The following DHRS12 variants were observed in gnomAD, a reference collection of about 807,000 sequenced individuals.
DHRS12 encodes the protein dehydrogenase/reductase SDR family member 12.
Under a neutral mutation model 32.1 loss-of-function variants are expected in DHRS12, and 29 were observed. The ratio of observed to expected loss-of-function variants is 0.90; its 90% CI spans 0.67 to 1.23. The LOEUF (loss-of-function observed/expected upper bound fraction) is 1.23, where lower values mean the gene tolerates loss of function less well. Ranked by LOEUF, DHRS12 falls within the 50% of genes most tolerant of loss-of-function variation. The probability of loss-of-function intolerance (pLI) is 0.00; values close to 1 mark genes in which losing one functional copy is unlikely to be tolerated. For synonymous variants in DHRS12, 150 were observed against 135.9 expected, an observed-to-expected ratio of 1.10 and a Z score of -0.72; for missense variants, 330 against 337.2, an observed-to-expected ratio of 0.98 and a Z score of 0.17.
rs1030893539 is a variant in DHRS12 at position 51,782,233 on chromosome 13, C to T, written c.302-5112G>A. 6.6e-5 allele frequency among the ~76,000 whole-genome samples: 10 copies of T among 151,922 alleles called. No homozygotes were observed. Among genetic ancestry groups the T allele is most frequent in the African/African-American group, 2.4e-4 (10 of 41,352 alleles). On this transcript the variant is annotated intron_variant, in intron 4 of 8. Transcript: ENST00000444610. The surrounding 1 kb of genome is among the most constrained non-coding windows in gnomAD (Gnocchi z 4.2). Reference sequence around the variant, plus strand: ...AGAGAGATCTGGGCTGGAAGGGGGCCCTTGGGAGCCAGGCACATGATGGCA... The same window carrying T: ...AGAGAGATCTGGGCTGGAAGGGGGCTCTTGGGAGCCAGGCACATGATGGCA...
At chr13:51,764,676 T>TATA (rs1419250574), downstream of DHRS12, 1 of 152,210 alleles carries the variant, frequency 6.6e-6, no homozygotes, top group African/African-American at 2.4e-5. Context: ...TAGTTTATAT[T>TATA]ATAATAGTAT....
intron 2 of DHRS12, among the ~76,000 whole-genome samples, chr13:51,792,486 G>A (rs1340525815): frequency 6.6e-6 from 1 of 151,992 alleles, no homozygotes; most frequent in South Asian, 2.1e-4. Context: ...TGCAACCTCC[G>A]CCTCCCAGGT....
intron 7 of DHRS12, chr13:51,771,510 A>T (rs1358289121): frequency 6.2e-7 from 1 of 1,613,718 alleles, no homozygotes; most frequent in East Asian, 2.2e-5. Context: ...CGTGGAAATG[A>T]CAATGGTCAC....
chr13:51,770,146 A>T (rs995330083), intron 7 of DHRS12, among the ~76,000 whole-genome samples: 1 of 152,288 alleles, frequency 6.6e-6, no homozygotes, highest in Non-Finnish European at 1.5e-5. Context: ...TAAATTAAAA[A>T]TAAACATCTT....
At chr13:51,785,495 T>C (rs564681424) in intron 4 of DHRS12, among the ~76,000 whole-genome samples, 11 of 152,318 alleles carry the variant, frequency 7.2e-5, no homozygotes, top group African/African-American at 2.2e-4. Context: ...GATTTCTGGA[T>C]TGGTTAACTG....
At chr13:51,767,251 C>T (rs1236667572), downstream of DHRS12, 2 of 152,254 alleles carry the variant, frequency 1.3e-5, no homozygotes, top group Non-Finnish European at 2.9e-5. Context: ...GTCGCCCACA[C>T]CCAGCATTGC....
At position 51,782,605 on chromosome 13, in the gene DHRS12, TG is replaced by T. The variant is rs1206195042; in HGVS notation, c.302-5485del. ...CAGGATGCCCGGGACTCGGGGACCA[TG>T]AGAGGCTGGTGGAGGAAGTGCTGTG... On this transcript the variant is annotated intron_variant, in intron 4 of 8. Coordinates refer to ENST00000444610, the MANE Select transcript of DHRS12 (RefSeq NM_001377533.1). The surrounding 1 kb of genome is among the most constrained non-coding windows in gnomAD (Gnocchi z 4.2). Among the ~76,000 whole-genome samples, 8 of 152,202 alleles carry T rather than the reference TG, an allele frequency of 5.3e-5. No individual in the cohort carries two copies. Among genetic ancestry groups the T allele is most frequent in the African/African-American group, 1.9e-4 (8 of 41,528 alleles).
At chr13:51,783,467 AATATAT>A (rs1256606485) in intron 4 of DHRS12, among the ~76,000 whole-genome samples, 2 of 152,244 alleles carry the variant, frequency 1.3e-5, no homozygotes, top group East Asian at 1.9e-4. Context: ...TTGTTGATAT[AATATAT>A]ATATAATGTT....
the DHRS12 span, chr13:51,761,664 A>C: frequency 6.6e-6 from 1 of 152,074 alleles, no homozygotes; most frequent in African/African-American, 2.4e-5. Context: ...TTACTTCTCT[A>C]ACTAGGGGGA....
At position 51,777,228 on chromosome 13, in the gene DHRS12, A is replaced by T. The variant is rs1459177709; in HGVS notation, c.302-107T>A. 4.6e-6 allele frequency: 6 copies of T among 1,302,442 alleles called. No homozygotes were observed. The Admixed American group carries it at 1.1e-4, about 23-fold the overall frequency. 80.7% of individuals were successfully genotyped at this position (1,302,442 alleles called of 1,614,324 possible). A position where few individuals can be genotyped will look rare whatever the true frequency, so the allele number is the denominator to read the frequency against. On this transcript the variant is annotated intron_variant, in intron 4 of 8. Transcript: ENST00000444610. ...TCTGCCCGCACCCGCCCCCCACAAG[A>T]GGGCAAGTGGCCACCTGAGGGGCAG...
chr13:51,777,207 C>G (rs1954472228), intron 4 of DHRS12, 86 bp from the exon 5 acceptor site: 3 of 1,479,540 alleles, frequency 2.0e-6, no homozygotes, highest in Admixed American at 3.4e-5. Context: ...GGACTGTCTG[C>G]CCGCACCCGC....
intron 1 of DHRS12, among the ~76,000 whole-genome samples, chr13:51,801,359 G>C (rs1019034488): frequency 6.6e-6 from 1 of 152,104 alleles, no homozygotes; most frequent in Non-Finnish European, 1.5e-5. Flanking sequence ...GCTAATTTTT[G>C]TATTTTTTAG....
intron 1 of DHRS12, among the ~76,000 whole-genome samples, chr13:51,799,898 A>C (rs1266386077): frequency 1.7e-4 from 26 of 152,134 alleles, no homozygotes; most frequent in Admixed American, 1.7e-3. Flanking sequence ...GGAGATTCCA[A>C]CATTTTGGCA....
intron 4 of DHRS12, among the ~76,000 whole-genome samples, chr13:51,783,693 T>C (rs1237311670): frequency 6.6e-6 from 1 of 152,184 alleles, no homozygotes; most frequent in Non-Finnish European, 1.5e-5. Context: ...CTGCAGCCTC[T>C]GACCTCTTCT....
intron 2 of DHRS12, among the ~76,000 whole-genome samples, chr13:51,792,566 A>G (rs922203747): frequency 3.9e-5 from 6 of 152,046 alleles, no homozygotes; most frequent in African/African-American, 9.7e-5. Context: ...TGCTCAGCTA[A>G]TTTTTATATT....
chr13:51,799,409 C>T, intron 2 of DHRS12, 125 bp downstream of exon 2: 2 of 1,435,308 alleles, frequency 1.4e-6, no homozygotes, highest in East Asian at 2.3e-5. Context: ...CAGCTGTGCC[C>T]AGAACCATGG....
the DHRS12 span, among the ~76,000 whole-genome samples, chr13:51,758,708 C>T: frequency 6.6e-6 from 1 of 152,070 alleles, no homozygotes; most frequent in South Asian, 2.1e-4. Context: ...CTACTTGGGA[C>T]AGACTAAAAA....
chr13:51,758,832 G>A, the DHRS12 span, among the ~76,000 whole-genome samples: 1 of 152,172 alleles, frequency 6.6e-6, no homozygotes, highest in African/African-American at 2.4e-5. Flanking sequence ...GGATGAGATA[G>A]CTAAAATAAC....
chr13:51,769,333 T>C, intron 7 of DHRS12, 40 bp from the exon 8 acceptor site: 2 of 1,404,930 alleles, frequency 1.4e-6, no homozygotes, highest in Non-Finnish European at 1.9e-6. Flanking sequence ...GACAGCATTC[T>C]CCAGCAAATG....
Sources: allele counts gnomAD v4.1 joint callset (sites outside exome capture counted in the v4.1 genomes callset), GRCh38; gene constraint gnomAD v4.1.1; non-coding constraint Gnocchi (gnomAD v3.1); transcripts MANE v1.5; gene names NCBI Gene and HGNC (gene_info 2026-07-23, HGNC 2026-07-21).